Variants in DMD observed in about 807,000 individuals in gnomAD.
The protein encoded by DMD is mutant dystrophin.
A neutral mutation model predicts 330.1 loss-of-function variants in DMD; 63 were observed. The ratio of observed to expected loss-of-function variants is 0.19; its 90% CI spans 0.16 to 0.24. The LOEUF is 0.24. Among genes scored for constraint, DMD ranks in the 10% least tolerant of loss-of-function variants. DMD has a pLI of 1.00. For missense variants in DMD, 3,344 were observed against 2,684.1 expected (o/e 1.25, Z -5.43); for synonymous variants, 1,223 against 959.8 (o/e 1.27, Z -5.07).
chrX:32,758,417 G>A (rs1057459806), intron 7 of DMD, among the ~76,000 whole-genome samples: 1 of 111,258 alleles, frequency 9.0e-6, no homozygotes, highest in African/African-American at 3.3e-5. Flanking sequence ...ATGCCATTTT[G>A]GTACCTCTCT....
chrX:33,171,945 T>C (rs1432392207), intron 1 of DMD, among the ~76,000 whole-genome samples: 2 of 111,215 alleles, frequency 1.8e-5, no homozygotes, highest in Non-Finnish European at 3.8e-5. Context: ...GAACTGATGT[T>C]CTAACCAGGT....
At chrX:32,248,941 C>A (rs1045987591) in intron 43 of DMD, among the ~76,000 whole-genome samples, 3 of 110,403 alleles carry the variant, frequency 2.7e-5, no homozygotes, top group Non-Finnish European at 3.8e-5. Flanking sequence ...ATATAGGGAC[C>A]AAGACAGGAT....
chrX:31,842,204 C>A (rs1353888426), intron 48 of DMD, among the ~76,000 whole-genome samples: 5 of 111,564 alleles, frequency 4.5e-5, no homozygotes, highest in Non-Finnish European at 9.4e-5. Flanking sequence ...GAGAAAATTG[C>A]AAGAGAACTA....
intron 45 of DMD, among the ~76,000 whole-genome samples, chrX:31,961,740 G>T (rs763523951): frequency 2.1e-4 from 16 of 75,592 alleles, no homozygotes; most frequent in African/African-American, 5.9e-4. Context: ...AAAGGAAGCG[G>T]TTTTTTTTTT....
chrX:32,831,444 G>T (rs1408929856), intron 4 of DMD, among the ~76,000 whole-genome samples: 1 of 110,752 alleles, frequency 9.0e-6, no homozygotes, highest in African/African-American at 3.3e-5. Context: ...TTTTTGATTT[G>T]CTTTACAGAA....
intron 44 of DMD, among the ~76,000 whole-genome samples, chrX:32,061,543 G>A (rs1320384): frequency 0.25 from 27,085 of 110,435 alleles, 2,512 homozygotes; most frequent in African/African-American, 0.32. Flanking sequence ...GTGGGGTCCA[G>A]TTCATTATTT....
At position 31,777,061 on chromosome X, in the gene DMD, T is replaced by C. The variant is rs1027613587; in HGVS notation, c.7310-2869A>G. On this transcript the variant is annotated intron_variant, in intron 50 of 78. Coordinates refer to ENST00000357033, the MANE Select transcript of DMD (RefSeq NM_004006.3). ...TGCACATGTCCTGGAGTATAGGAGG[T>C]GCTCAATTGATTCCCTTTGAATCTA... 2.7e-5 allele frequency among the ~76,000 whole-genome samples: 3 copies of C among 111,824 alleles called. No homozygotes were observed. In the Admixed American group the frequency reaches 2.9e-4, roughly 11 times the overall value.
chrX:32,927,718 T>C (rs1333492117), intron 2 of DMD, among the ~76,000 whole-genome samples: 2 of 111,567 alleles, frequency 1.8e-5, no homozygotes, highest in East Asian at 5.6e-4. Context: ...AATCTTTAGA[T>C]TCTGTATTAA....
At chrX:31,316,563 A>G (rs919199301) in intron 62 of DMD, among the ~76,000 whole-genome samples, 15 of 111,487 alleles carry the variant, frequency 1.3e-4, no homozygotes, top group African/African-American at 3.9e-4. Context: ...AGATCTATAA[A>G]ACCAAAACCA....
chrX:32,670,048 C>G (rs989320805), intron 9 of DMD, among the ~76,000 whole-genome samples: 4 of 111,874 alleles, frequency 3.6e-5, no homozygotes, highest in African/African-American at 1.3e-4. Flanking sequence ...TTATAAAAAT[C>G]ATACTTGACT....
At chrX:32,313,324 C>A (rs1269101570) in intron 41 of DMD, among the ~76,000 whole-genome samples, 1 of 111,383 alleles carries the variant, frequency 9.0e-6, no homozygotes, top group Non-Finnish European at 1.9e-5. Flanking sequence ...TCAATAGATG[C>A]AGAAAAGGTC....
At chrX:31,704,744 G>C (rs1172990516) in intron 52 of DMD, among the ~76,000 whole-genome samples, 1 of 111,539 alleles carries the variant, frequency 9.0e-6, no homozygotes, top group African/African-American at 3.3e-5. Context: ...TAAATAAAGA[G>C]CCATTTGGTC....
At chrX:31,313,617 C>T (rs2055717227) in intron 62 of DMD, among the ~76,000 whole-genome samples, 1 of 110,471 alleles carries the variant, frequency 9.1e-6, no homozygotes, top group South Asian at 3.9e-4. Context: ...TTTAGTGTAT[C>T]CATCACCAAA....
intron 52 of DMD, among the ~76,000 whole-genome samples, chrX:31,714,611 T>A (rs964456194): frequency 9.0e-6 from 1 of 111,416 alleles, no homozygotes; most frequent in Non-Finnish European, 1.9e-5. Flanking sequence ...AAATTTTCAA[T>A]TGGAAATCTG....
At position 31,658,140 on chromosome X, in the gene DMD, A is replaced by G. The variant is rs775555418; in HGVS notation, c.7877T>C (p.Leu2626Ser). The change falls in exon 54 of 79, where the codon TTG becomes TCG. Residue 2626 changes from leucine to serine, a missense_variant. Physicochemically the swap from Leu to Ser is moderately radical, Grantham distance 145. Transcript: ENST00000357033. Reference sequence around the variant, plus strand: ...CTGCCACTGGCGGAGGTCTTTGGCCAACTGCTATAGATTTTTATGAGAAAG... The same window carrying G: ...CTGCCACTGGCGGAGGTCTTTGGCCGACTGCTATAGATTTTTATGAGAAAG... ...IQKKITETKQ[L>S]AKDLRQWQTN... 1.5e-5 allele frequency: 18 copies of G among 1,209,702 alleles called. No homozygotes were observed. In the South Asian group the frequency reaches 3.0e-4, roughly 20 times the overall value.
chrX:31,231,985 G>C (rs769681986), intron 63 of DMD, among the ~76,000 whole-genome samples: 1 of 107,524 alleles, frequency 9.3e-6, no homozygotes, highest in Non-Finnish European at 1.9e-5. Context: ...ATAGGTCCGA[G>C]AGGCTTCTTG....
At chrX:31,734,555 T>TA (rs2086737168) in intron 51 of DMD, among the ~76,000 whole-genome samples, 1 of 111,857 alleles carries the variant, frequency 8.9e-6, no homozygotes, top group South Asian at 3.7e-4. Context: ...TTATAACACT[T>TA]ACAGTTTTGA....
In DMD at chrX:32,518,134, AAGAC is replaced by A. The variant is rs746108360; in HGVS notation, c.2169-7_2169-4del. On this transcript the variant is annotated splice_region_variant and splice_polypyrimidine_tract_variant and intron_variant, in intron 17 of 78. Transcript: ENST00000357033. Reference sequence around the variant, plus strand: ...GTTCAGTTATATCAACATCCAACCTAAGACAGCAAAAAATAAAAGTCATTATTTC... The same window carrying A: ...GTTCAGTTATATCAACATCCAACCTAAGCAAAAAATAAAAGTCATTATTTC... 1.4e-5 allele frequency: 17 copies of A among 1,204,301 alleles called. No individual in the cohort carries two copies. The highest frequency in any genetic ancestry group is 2.2e-5 in the Admixed American group (1 of 45,570).
chrX:31,931,987 T>C (rs1381237160), intron 46 of DMD, 93 bp downstream of exon 46: 2 of 1,031,105 alleles, frequency 1.9e-6, no homozygotes, highest in East Asian at 3.1e-5. Context: ...ATGAATAACC[T>C]AATGGGCAGA....
Sources: gnomAD v4.1 joint callset for allele counts (sites outside exome capture counted in the v4.1 genomes callset) on GRCh38, gnomAD v4.1.1 for gene constraint, MANE v1.5 for transcripts, NCBI Gene and HGNC (gene_info 2026-07-23, HGNC 2026-07-21) for gene names.